Variants in KANSL3 observed in about 807,000 individuals in gnomAD.
KANSL3 encodes NSL complex protein NSL3.
A neutral mutation model predicts 89.2 loss-of-function variants in KANSL3; 16 were observed. That is an observed-to-expected ratio of 0.18 (90% CI 0.12 to 0.27). The LOEUF is 0.27. Ranked by LOEUF, KANSL3 falls within the 10% of genes least tolerant of loss-of-function variation. The pLI is 1.00. For synonymous variants in KANSL3, 385 were observed against 419.7 expected (o/e 0.92, Z 1.01); for missense variants, 879 against 1,110.6 (o/e 0.79, Z 2.96).
chr2:96,631,262 G>T, intron 3 of KANSL3, 50 bp downstream of exon 3: 1 of 1,308,258 alleles, frequency 7.6e-7, no homozygotes, highest in South Asian at 1.2e-5. Flanking sequence ...CAATGAAGAT[G>T]ATACAAAATA....
At chr2:96,607,851 C>T (rs964815465) in intron 14 of KANSL3, among the ~76,000 whole-genome samples, 2 of 152,190 alleles carry the variant, frequency 1.3e-5, no homozygotes, top group Admixed American at 1.3e-4. Context: ...CTCCTGGACA[C>T]ATCGTTAAAC....
chr2:96,611,002 A>T, intron 10 of KANSL3, 62 bp downstream of exon 10: 1 of 1,578,328 alleles, frequency 6.3e-7, no homozygotes, highest in Admixed American at 1.7e-5. Context: ...AGCTTGGACA[A>T]GGCATGCACA....
At chr2:96,588,199 GC>G (rs1232908730), downstream of KANSL3, among the ~76,000 whole-genome samples, 16 of 152,002 alleles carry the variant, frequency 1.1e-4, no homozygotes, top group Admixed American at 2.0e-4. Flanking sequence ...ATGTCAAGAT[GC>G]ATCATATTCA....
At chr2:96,601,862 C>T in intron 19 of KANSL3, 86 bp from the exon 20 acceptor site, 1 of 1,462,306 alleles carries the variant, frequency 6.8e-7, no homozygotes, top group Non-Finnish European at 9.0e-7. Context: ...GCTTCTCCCC[C>T]ACATAACACA....
chr2:96,622,445 T>C (rs1040479737), intron 3 of KANSL3, among the ~76,000 whole-genome samples: 12 of 151,668 alleles, frequency 7.9e-5, no homozygotes, highest in Admixed American at 2.0e-4. Flanking sequence ...TGCAAATTAA[T>C]AAAGTATTAT....
chr2:96,612,501 G>C lies in KANSL3; in HGVS notation c.975C>G (p.Leu325=). ...TTCTCACTGCCCCAATCATATGCTC[G>C]AGACACTGTAGAACTCCTACCCCAC... is the stretch of plus-strand genomic sequence containing the variant. The part of the protein sequence containing the change: ...NGSGVGVLQC[L]EHMIGAVRSK... Residue 325 remains leucine (L), a synonymous_variant, in exon 8 of 21, where the codon CTC becomes CTG. Transcript: ENST00000431828. 6.2e-7 allele frequency: 1 copy of C among 1,613,886 alleles called. No individual in the cohort carries two copies. The highest frequency in any genetic ancestry group is 8.5e-7 in the Non-Finnish European group (1 of 1,179,858).
At chr2:96,586,466 G>A in the KANSL3 span, among the ~76,000 whole-genome samples, 1 of 152,178 alleles carries the variant, frequency 6.6e-6, no homozygotes, top group Admixed American at 6.5e-5. Context: ...GTGTCTAGAT[G>A]TGGGTTTTCC....
intron 5 of KANSL3, among the ~76,000 whole-genome samples, chr2:96,618,760 C>A (rs748721298): frequency 1.1e-4 from 16 of 152,356 alleles, no homozygotes; most frequent in Non-Finnish European, 2.4e-4. Context: ...ATCAGCCAGG[C>A]AATCTGCCTC....
At chr2:96,623,879 G>A (rs889111932) in intron 3 of KANSL3, among the ~76,000 whole-genome samples, 1 of 152,224 alleles carries the variant, frequency 6.6e-6, no homozygotes, top group Non-Finnish European at 1.5e-5. Flanking sequence ...CTTCAGAAGC[G>A]CCCTCCATCT....
downstream of KANSL3, among the ~76,000 whole-genome samples, chr2:96,589,997 A>C (rs1246668222): frequency 6.6e-6 from 1 of 150,948 alleles, no homozygotes; most frequent in East Asian, 1.9e-4. Flanking sequence ...AAAAATACAA[A>C]AAAAAAAAAA....
chr2:96,606,720 G>A (rs558171589), intron 14 of KANSL3: 4 of 271,312 alleles, frequency 1.5e-5, no homozygotes, highest in East Asian at 2.4e-4. Flanking sequence ...AGCCAAGACC[G>A]TAGTGAAAGA....
At chr2:96,584,206 C>G in the KANSL3 span, among the ~76,000 whole-genome samples, 3,251 of 152,176 alleles carry the variant, frequency 0.021, 130 homozygotes, top group African/African-American at 0.072. Flanking sequence ...GGCTGGAGTG[C>G]AGTGGTGACT....
intron 2 of KANSL3, among the ~76,000 whole-genome samples, chr2:96,635,096 T>A (rs11164109): frequency 0.24 from 37,010 of 152,172 alleles, 6,021 homozygotes; most frequent in South Asian, 0.66. Flanking sequence ...TCTCAGTCCA[T>A]TGCAGTGGCA....
In KANSL3 at chr2:96,601,748, C is replaced by CA. The variant is rs1423824788; in HGVS notation, c.2510dup (p.Thr838AspfsTer55). ...TCCTGCTCGGCTGGCCACGAAGTGT[C>CA]AGAGTAATGGTGGTGGGGACCTTCA... On this transcript the variant is annotated frameshift_variant, in exon 20 of 21. Coordinates refer to ENST00000431828, the MANE Select transcript of KANSL3 (RefSeq NM_001115016.3). LOFTEE classifies it high-confidence loss of function. 1.9e-6 allele frequency: 3 copies of CA among 1,589,646 alleles called. No individual in the cohort carries two copies. The highest frequency in any genetic ancestry group is 2.6e-6 in the Non-Finnish European group (3 of 1,170,290).
At chr2:96,624,811 C>T (rs1396768306) in intron 3 of KANSL3, among the ~76,000 whole-genome samples, 2 of 152,126 alleles carry the variant, frequency 1.3e-5, no homozygotes, top group African/African-American at 4.8e-5. Flanking sequence ...TATGAAGTCA[C>T]CATGCCCAGC....
At position 96,601,707 on chromosome 2, in the gene KANSL3, G is replaced by A. The variant is rs1484803964; in HGVS notation, c.2552C>T (p.Pro851Leu). 7 of 1,612,776 alleles carry A rather than the reference G, an allele frequency of 4.3e-6. 1 individual carries two copies. The South Asian group carries it at 6.6e-5, about 15-fold the overall frequency. The change falls in exon 20 of 21, where the codon CCT becomes CTT. Residue 851 changes from proline to leucine, a missense_variant. Pro to Leu is a moderately conservative substitution (Grantham distance 98, BLOSUM62 -3). Coordinates refer to ENST00000431828, the MANE Select transcript of KANSL3 (RefSeq NM_001115016.3). ...GGATGGGGCTGCTCCTGAGCCCATAGGGCTCAGTGTAGTGATCCTGCTCGG... is the reference window on the plus strand; with the variant it reads ...GGATGGGGCTGCTCCTGAGCCCATAAGGCTCAGTGTAGTGATCCTGCTCGG... ...GQPSRITTLSPMGSGAAPSEE... is the reference protein window; with the variant it reads ...GQPSRITTLSLMGSGAAPSEE...
At chr2:96,627,547 A>G (rs1222855673) in intron 3 of KANSL3, among the ~76,000 whole-genome samples, 2 of 152,150 alleles carry the variant, frequency 1.3e-5, no homozygotes, top group Non-Finnish European at 2.9e-5. Context: ...GACAGTTTCT[A>G]CTGAAATCAT....
chr2:96,617,970 G>A (rs1344156291), intron 5 of KANSL3, among the ~76,000 whole-genome samples: 2 of 146,484 alleles, frequency 1.4e-5, no homozygotes, highest in African/African-American at 5.0e-5. Flanking sequence ...GCGACAGAGT[G>A]AGACTTTGTC....
chr2:96,617,368 T>C (rs2070359383), intron 5 of KANSL3, among the ~76,000 whole-genome samples: 1 of 152,160 alleles, frequency 6.6e-6, no homozygotes, highest in Non-Finnish European at 1.5e-5. Context: ...ATATCATTAA[T>C]GTATCTAGTC....
Sources: gnomAD v4.1 joint callset for allele counts (sites outside exome capture counted in the v4.1 genomes callset) on GRCh38, gnomAD v4.1.1 for gene constraint, MANE v1.5 for transcripts, NCBI Gene and HGNC (gene_info 2026-07-23, HGNC 2026-07-21) for gene names.